RHPN2: variants seen among roughly 807,000 people sequenced by gnomAD.
The protein encoded by RHPN2 is rhophilin-2.
Under a neutral mutation model 79.0 loss-of-function variants are expected in RHPN2, and 40 were observed. The observed-to-expected ratio is 0.51, with a 90% CI of 0.39 to 0.66. RHPN2 has a LOEUF of 0.66. RHPN2 is among the 30% of genes least tolerant of loss of function. The pLI is 0.00. For missense variants in RHPN2, 686 were observed against 883.5 expected (o/e 0.78, Z 2.83); for synonymous variants, 285 against 363.5 (o/e 0.78, Z 2.46).
At position 33,048,869 on chromosome 19, in the gene RHPN2, T is replaced by A. The variant is rs151150435; in HGVS notation, c.70-4505A>T. Reference sequence around the variant, plus strand: ...TCTGAATTACCTGGATCACCACTGCTGTGTTTCATTTTACAGGGAAGCTTG... The same window carrying A: ...TCTGAATTACCTGGATCACCACTGCAGTGTTTCATTTTACAGGGAAGCTTG... On this transcript the variant is annotated intron_variant, in intron 1 of 14. Coordinates refer to ENST00000254260, the MANE Select transcript of RHPN2 (RefSeq NM_033103.5). 3.6e-3 allele frequency among the ~76,000 whole-genome samples: 552 copies of A among 152,272 alleles called. 1 individual carries two copies. The highest frequency in any genetic ancestry group is 0.012 in the African/African-American group (512 of 41,548).
intron 9 of RHPN2, among the ~76,000 whole-genome samples, chr19:33,000,167 T>C (rs1971737677): frequency 6.6e-6 from 1 of 151,022 alleles, no homozygotes; most frequent in African/African-American, 2.4e-5. Flanking sequence ...CCACTATGCC[T>C]GGCTACCCCA....
intron 4 of RHPN2, among the ~76,000 whole-genome samples, chr19:33,013,157 T>G (rs1459330128): frequency 1.3e-5 from 2 of 150,036 alleles, no homozygotes; most frequent in African/African-American, 5.0e-5. Flanking sequence ...ATTACAGATG[T>G]CAGCCACCGT....
intron 1 of RHPN2, among the ~76,000 whole-genome samples, chr19:33,049,124 C>T (rs1434555637): frequency 6.6e-6 from 1 of 152,120 alleles, no homozygotes; most frequent in African/African-American, 2.4e-5. Context: ...ATTACTTATT[C>T]CTGACAGGTA....
At position 32,996,228 on chromosome 19, in the gene RHPN2, C is replaced by T. The variant is rs367842517; in HGVS notation, c.1226-8G>A. On this transcript the variant is annotated splice_region_variant and splice_polypyrimidine_tract_variant and intron_variant, in intron 10 of 14. Coordinates refer to ENST00000254260, the MANE Select transcript of RHPN2 (RefSeq NM_033103.5). The stretch of plus-strand genomic sequence containing the variant: ...TGCGCAAGTGGGACTTCCCTGCAGA[C>T]GGAAGCCAGCACCCACGTGACTTGC... The T allele has an allele frequency of 5.5e-5, 88 of 1,613,920 alleles. 2 individuals carry two copies. The highest frequency in any genetic ancestry group is 4.7e-4 in the South Asian group (43 of 91,090).
chr19:33,060,234 T>A (rs1972268537), intron 1 of RHPN2, among the ~76,000 whole-genome samples: 1 of 151,366 alleles, frequency 6.6e-6, no homozygotes, highest in Non-Finnish European at 1.5e-5. Flanking sequence ...GCAGCCTCCA[T>A]CTCCCAGGCT....
At chr19:33,039,673 A>G (rs1220360022) in intron 2 of RHPN2, among the ~76,000 whole-genome samples, 2 of 151,998 alleles carry the variant, frequency 1.3e-5, no homozygotes. Context: ...CCTCGTCTCT[A>G]CTAAAAATAC....
intron 14 of RHPN2, among the ~76,000 whole-genome samples, chr19:32,981,500 C>A (rs10422161): frequency 7.8e-6 from 1 of 128,252 alleles, no homozygotes; most frequent in African/African-American, 3.0e-5. Context: ...TGGAAGAGGG[C>A]AAGGGAAGGG....
intron 1 of RHPN2, among the ~76,000 whole-genome samples, chr19:33,054,593 G>A (rs954780836): frequency 6.6e-6 from 1 of 152,148 alleles, no homozygotes; most frequent in Non-Finnish European, 1.5e-5. Context: ...CATTCACCGT[G>A]GTGTCTCCGT....
In RHPN2 at chr19:33,012,219, T is replaced by C. The variant is rs542095771; in HGVS notation, c.469-416A>G. 2.8e-3 allele frequency among the ~76,000 whole-genome samples: 419 copies of C among 152,140 alleles called. 4 individuals are homozygous for C. Among genetic ancestry groups the C allele is most frequent in the African/African-American group, 6.5e-3 (268 of 41,528 alleles). The stretch of plus-strand genomic sequence containing the variant: ...ACCATGCCTGGCTTGTTTTTGTATT[T>C]TTAGTAGAAACAGGGTTTTGCCATG... On this transcript the variant is annotated intron_variant, in intron 5 of 14. Coordinates refer to ENST00000254260, the MANE Select transcript of RHPN2 (RefSeq NM_033103.5).
intron 4 of RHPN2, among the ~76,000 whole-genome samples, chr19:33,016,946 C>G (rs1376776541): frequency 6.6e-6 from 1 of 152,200 alleles, no homozygotes; most frequent in East Asian, 1.9e-4. Flanking sequence ...GAAGCCTGTG[C>G]CGAATGGCAG....
rs113859267 is a variant in RHPN2, at chr19:32,992,890, C to T, written c.1498-921G>A. Among the ~76,000 whole-genome samples the T allele has an allele frequency of 9.8e-3, 1,455 of 148,000 alleles. 27 individuals are homozygous for T. The highest frequency in any genetic ancestry group is 0.035 in the African/African-American group (1,389 of 40,110). On this transcript the variant is annotated intron_variant, in intron 12 of 14. Coordinates refer to ENST00000254260, the MANE Select transcript of RHPN2 (RefSeq NM_033103.5). ...TACCTGTAATCCCAGCACTCTGGGA[C>T]GCCTAGGCAGGAGTATGGTTTGAGC...
chr19:32,990,083 T>A (rs7253864), intron 14 of RHPN2, among the ~76,000 whole-genome samples: 70,996 of 150,240 alleles, frequency 0.47, 17,827 homozygotes, highest in African/African-American at 0.64. Context: ...CCAGCCTGGG[T>A]GACAGAGCGA....
chr19:32,995,505 G>T (rs1971693479), intron 11 of RHPN2, among the ~76,000 whole-genome samples: 1 of 152,088 alleles, frequency 6.6e-6, no homozygotes, highest in Non-Finnish European at 1.5e-5. Flanking sequence ...CATAAGGCTG[G>T]TCAATTTCTA....
At chr19:33,063,259 C>T (rs564946325) in intron 1 of RHPN2, among the ~76,000 whole-genome samples, 59 of 149,838 alleles carry the variant, frequency 3.9e-4, no homozygotes, top group Admixed American at 9.7e-4. Flanking sequence ...TTAAATATAC[C>T]TCAAAACTAC....
At chr19:33,055,025 C>G (rs973551131) in intron 1 of RHPN2, among the ~76,000 whole-genome samples, 6 of 152,140 alleles carry the variant, frequency 3.9e-5, no homozygotes, top group African/African-American at 1.4e-4. Context: ...CCTCCCCTCT[C>G]CAAGGCCACA....
At chr19:33,047,929 A>T (rs1429934064) in intron 1 of RHPN2, among the ~76,000 whole-genome samples, 1 of 152,024 alleles carries the variant, frequency 6.6e-6, no homozygotes, top group Non-Finnish European at 1.5e-5. Context: ...AATAATAAAA[A>T]TTTTTAAATA....
In RHPN2 at chr19:32,983,675, T is replaced by G. The variant is rs1707223226; in HGVS notation, c.1801-3419A>C. Among the ~76,000 whole-genome samples the G allele has an allele frequency of 2.0e-5, 3 of 146,928 alleles. No individual in the cohort carries two copies. The South Asian group carries it at 6.7e-4, about 33-fold the overall frequency. On this transcript the variant is annotated intron_variant, in intron 14 of 14. Transcript: ENST00000254260. Reference sequence around the variant, plus strand: ...AGACGGAGTCTTACTGTCACCAGACTGGAGTGCAGTGGCCCAATCTTGGCT... The same window carrying G: ...AGACGGAGTCTTACTGTCACCAGACGGGAGTGCAGTGGCCCAATCTTGGCT...
intron 9 of RHPN2, among the ~76,000 whole-genome samples, chr19:33,000,154 G>A (rs1971737607): frequency 2.0e-5 from 3 of 151,728 alleles, no homozygotes; most frequent in Admixed American, 2.0e-4. Context: ...TCAAATGTGT[G>A]AGCCACTATG....
At chr19:33,047,354 T>A (rs957525705) in intron 1 of RHPN2, among the ~76,000 whole-genome samples, 1 of 152,218 alleles carries the variant, frequency 6.6e-6, no homozygotes, top group Non-Finnish European at 1.5e-5. Context: ...TTGTCTGTGT[T>A]CTCTGACCAT....
Sources: gnomAD v4.1 joint callset for allele counts (sites outside exome capture counted in the v4.1 genomes callset) on GRCh38, gnomAD v4.1.1 for gene constraint, MANE v1.5 for transcripts, NCBI Gene and HGNC (gene_info 2026-07-23, HGNC 2026-07-21) for gene names.